COMMD10: variants seen among roughly 807,000 people sequenced by gnomAD.
The protein encoded by COMMD10 is COMM domain containing 10, also known as COMM domain-containing protein 10.
In COMMD10, 33 loss-of-function variants were observed where a neutral mutation model predicts 28.9. The ratio of observed to expected loss-of-function variants is 1.14; its 90% CI spans 0.87 to 1.53. The LOEUF is 1.53. Among genes scored for constraint, COMMD10 ranks in the 40% most tolerant of loss-of-function variants. COMMD10 has a pLI of 0.00. For missense variants in COMMD10, 310 were observed against 233.4 expected (o/e 1.33, Z -2.14); for synonymous variants, 110 against 81.7 (o/e 1.35, Z -1.87).
chr5:116,115,509 C>G (rs1349575964), intron 4 of COMMD10, among the ~76,000 whole-genome samples: 2 of 152,180 alleles, frequency 1.3e-5, no homozygotes, highest in Non-Finnish European at 2.9e-5. Flanking sequence ...GTCACTACCA[C>G]TTATTAGAAT....
chr5:116,262,773 C>G (rs1400955340), intron 5 of COMMD10, among the ~76,000 whole-genome samples: 6 of 151,734 alleles, frequency 4.0e-5, no homozygotes, highest in Non-Finnish European at 8.8e-5. Context: ...CCAAAATGAC[C>G]TGAGGTACCA....
chr5:116,141,932 C>A (rs2112782543), intron 5 of COMMD10, among the ~76,000 whole-genome samples: 1 of 151,726 alleles, frequency 6.6e-6, no homozygotes, highest in African/African-American at 2.4e-5. Context: ...ATTTTATTGT[C>A]CTCTCTCAAG....
chr5:116,146,761 T>A lies in COMMD10; in HGVS notation c.510+12583T>A, dbSNP rs59309811. ...AATTATTTAGAGGAAGTTAAACTTA[T>A]ATGAAGAGGAAGAATACTTGTAACT... On this transcript the variant is annotated intron_variant, in intron 5 of 6. Transcript: ENST00000274458. Among the ~76,000 whole-genome samples the A allele has an allele frequency of 9.8e-3, 1,491 of 151,998 alleles. 26 individuals are homozygous for A. The highest frequency in any genetic ancestry group is 0.033 in the African/African-American group (1,386 of 41,512).
intron 5 of COMMD10, among the ~76,000 whole-genome samples, chr5:116,158,989 C>T (rs566969993): frequency 6.6e-6 from 1 of 151,962 alleles, no homozygotes; most frequent in African/African-American, 2.4e-5. Flanking sequence ...TTAATGTAGT[C>T]CAGGAAATTT....
chr5:116,273,388 A>C (rs906859014), intron 5 of COMMD10, among the ~76,000 whole-genome samples: 2 of 151,952 alleles, frequency 1.3e-5, no homozygotes, highest in Admixed American at 1.3e-4. Flanking sequence ...AGATGCTGTC[A>C]CCATTCTGTC....
chr5:116,100,309 T>C (rs1178543236), intron 4 of COMMD10, among the ~76,000 whole-genome samples: 1 of 152,162 alleles, frequency 6.6e-6, no homozygotes, highest in Non-Finnish European at 1.5e-5. Context: ...TAATCACACT[T>C]GTTTGTTTTT....
At chr5:116,257,408 G>A (rs56220729) in intron 5 of COMMD10, among the ~76,000 whole-genome samples, 57,121 of 151,500 alleles carry the variant, frequency 0.38, 13,811 homozygotes, top group African/African-American at 0.69. Context: ...TTCAGCTTCT[G>A]TACTAACCAG....
chr5:116,128,961 A>G (rs1240623075), intron 4 of COMMD10, among the ~76,000 whole-genome samples: 2 of 151,886 alleles, frequency 1.3e-5, no homozygotes, highest in South Asian at 2.1e-4. Flanking sequence ...GATAATGTTA[A>G]TTTTGATCCC....
At chr5:116,148,333 T>G (rs1052124110) in intron 5 of COMMD10, among the ~76,000 whole-genome samples, 62 of 152,004 alleles carry the variant, frequency 4.1e-4, no homozygotes, top group African/African-American at 1.1e-3. Context: ...ATTTTGCTCC[T>G]TCCCTTTCTT....
intron 5 of COMMD10, among the ~76,000 whole-genome samples, chr5:116,234,728 C>T (rs1161549043): frequency 1.3e-5 from 2 of 152,138 alleles, no homozygotes; most frequent in East Asian, 1.9e-4. Flanking sequence ...AAATAGTACT[C>T]GTTCTAAAAA....
intron 5 of COMMD10, among the ~76,000 whole-genome samples, chr5:116,216,890 G>A (rs1360831596): frequency 6.6e-6 from 1 of 152,152 alleles, no homozygotes; most frequent in East Asian, 1.9e-4. Context: ...CTAAATTACA[G>A]TTTAGTTAAC....
chr5:116,254,215 T>C (rs1722541864), intron 5 of COMMD10, among the ~76,000 whole-genome samples: 1 of 152,156 alleles, frequency 6.6e-6, no homozygotes. Flanking sequence ...TTGCTAGCGG[T>C]CTATCAATTT....
chr5:116,238,498 A>G (rs73259071), intron 5 of COMMD10, among the ~76,000 whole-genome samples: 1,657 of 152,304 alleles, frequency 0.011, 28 homozygotes, highest in African/African-American at 0.032. Flanking sequence ...TTAAATTCCC[A>G]TTAAGTTTTA....
chr5:116,089,353 C>T (rs1020878555), intron 2 of COMMD10, among the ~76,000 whole-genome samples: 1 of 152,160 alleles, frequency 6.6e-6, no homozygotes, highest in Non-Finnish European at 1.5e-5. Context: ...TAACTCTCTC[C>T]CTTATTACAC....
chr5:116,243,950 G>A lies in COMMD10; in HGVS notation c.511-47567G>A, dbSNP rs6890192. On this transcript the variant is annotated intron_variant, in intron 5 of 6. Transcript: ENST00000274458. ...TAAGATGCAATTTGAAACTTTATCT[G>A]AAATCATTGAGTCAATGGAAAGCCG... Among the ~76,000 whole-genome samples the A allele has an allele frequency of 5.7e-3, 865 of 152,224 alleles. 12 individuals carry two copies. The highest frequency in any genetic ancestry group is 0.02 in the African/African-American group (820 of 41,542).
chr5:116,139,610 AG>A (rs1752132472), intron 5 of COMMD10, among the ~76,000 whole-genome samples: 1 of 151,294 alleles, frequency 6.6e-6, no homozygotes, highest in South Asian at 2.1e-4. Flanking sequence ...TTTTCATTGA[AG>A]TATCACGTAT....
chr5:116,236,862 A>G (rs2112659538), intron 5 of COMMD10, among the ~76,000 whole-genome samples: 1 of 152,286 alleles, frequency 6.6e-6, no homozygotes, highest in South Asian at 2.1e-4. Context: ...TAACAAATGT[A>G]CTACTCTGGT....
intron 4 of COMMD10, among the ~76,000 whole-genome samples, chr5:116,116,573 C>T (rs796353433): frequency 4.6e-5 from 7 of 152,176 alleles, no homozygotes; most frequent in East Asian, 1.9e-4. Context: ...ACTTTAGTTT[C>T]GGTATGTTAT....
intron 4 of COMMD10, among the ~76,000 whole-genome samples, chr5:116,115,302 C>CA: frequency 6.6e-6 from 1 of 152,202 alleles, no homozygotes; most frequent in Non-Finnish European, 1.5e-5. Flanking sequence ...GAAAGACACT[C>CA]AGTTACCTTC....
Sources: gnomAD v4.1 joint callset for allele counts (sites outside exome capture counted in the v4.1 genomes callset) on GRCh38, gnomAD v4.1.1 for gene constraint, MANE v1.5 for transcripts, NCBI Gene and HGNC (gene_info 2026-07-23, HGNC 2026-07-21) for gene names.